ELAPOR2: variants seen among roughly 807,000 people sequenced by gnomAD.
ELAPOR2 encodes the protein endosome-lysosome associated apoptosis and autophagy regulator family member 2.
In ELAPOR2, 89 loss-of-function variants were observed where a neutral mutation model predicts 120.7. The ratio of observed to expected loss-of-function variants is 0.74; its 90% confidence interval spans 0.62 to 0.88. The LOEUF (loss-of-function observed/expected upper bound fraction) is 0.88, where lower values mean the gene tolerates loss of function less well. ELAPOR2 is among the 40% of genes least tolerant of loss of function. The pLI is 0.00. For missense variants in ELAPOR2, 1,134 were observed against 1,251.6 expected, an observed-to-expected ratio of 0.91 and a Z score of 1.42; for synonymous variants, 444 against 444.9, an observed-to-expected ratio of 1.00 and a Z score of 0.03.
chr7:86,934,126 T>C (rs1380629052), intron 8 of ELAPOR2, among the ~76,000 whole-genome samples: 3 of 152,016 alleles, frequency 2.0e-5, no homozygotes, highest in Non-Finnish European at 1.5e-5. Context: ...GTTTTGCATA[T>C]ACTAAGCTTT....
At position 87,029,672 on chromosome 7, in the gene ELAPOR2, G is replaced by A. The variant is rs190505089; in HGVS notation, c.189+29653C>T. ...TGGTTTTCCATAGGTGTTATGGCAG[G>A]TGATTTTCATTCTTGCTTGTTCAAA... On this transcript the variant is annotated intron_variant, in intron 1 of 21. Transcript: ENST00000450689. Among the ~76,000 whole-genome samples the A allele has an allele frequency of 1.7e-4, 26 of 152,234 alleles. No individual in the cohort carries two copies. The East Asian group carries it at 2.3e-3, about 14-fold the overall frequency.
chr7:86,972,603 G>T (rs1181184645), intron 1 of ELAPOR2, among the ~76,000 whole-genome samples: 72 of 140,090 alleles, frequency 5.1e-4, no homozygotes, highest in East Asian at 3.5e-3. Context: ...AAAGTTTTTT[G>T]TTTTTTTTTT....
At chr7:86,979,852 T>C (rs1792404991) in intron 1 of ELAPOR2, among the ~76,000 whole-genome samples, 1 of 152,158 alleles carries the variant, frequency 6.6e-6, no homozygotes, top group Non-Finnish European at 1.5e-5. Flanking sequence ...GAGAATACAG[T>C]TGTGGGTTCT....
chr7:87,026,712 A>G (rs1794255070), intron 1 of ELAPOR2, among the ~76,000 whole-genome samples: 1 of 152,084 alleles, frequency 6.6e-6, no homozygotes. Flanking sequence ...TTGCACTAAG[A>G]ACTTAGAGAT....
chr7:86,932,342 T>G (rs1277295144), intron 8 of ELAPOR2, among the ~76,000 whole-genome samples: 1 of 151,908 alleles, frequency 6.6e-6, no homozygotes, highest in Non-Finnish European at 1.5e-5. Flanking sequence ...TCCTCCCCTC[T>G]CCATTCCTCA....
At chr7:87,035,171 A>C (rs533086204) in intron 1 of ELAPOR2, among the ~76,000 whole-genome samples, 1 of 152,134 alleles carries the variant, frequency 6.6e-6, no homozygotes, top group African/African-American at 2.4e-5. Flanking sequence ...TACAGTAGGT[A>C]TGGATATACC....
intron 1 of ELAPOR2, among the ~76,000 whole-genome samples, chr7:87,007,671 T>C (rs1403104901): frequency 6.6e-6 from 1 of 152,144 alleles, no homozygotes; most frequent in African/African-American, 2.4e-5. Context: ...ATTTGAGGGA[T>C]GGGCAGGAAA....
intron 12 of ELAPOR2, among the ~76,000 whole-genome samples, chr7:86,915,586 T>C (rs1310663759): frequency 6.6e-6 from 1 of 151,448 alleles, no homozygotes; most frequent in African/African-American, 2.4e-5. Flanking sequence ...TACATCTAAT[T>C]TATATAAAAA....
At position 86,914,714 on chromosome 7, in the gene ELAPOR2, G is replaced by A. The variant is rs1456659956; in HGVS notation, c.1731+9C>T. ...TTTAAAATTTTAAAAAAAAGTGCTT[G>A]GAACTTACATCTTGACCCTGATTAG... On this transcript the variant is annotated intron_variant, in intron 13 of 21. Transcript: ENST00000450689. 2 of 1,595,960 alleles carry A rather than the reference G, an allele frequency of 1.3e-6. No individual in the cohort carries two copies. Among genetic ancestry groups the A allele is most frequent in the South Asian group, 1.1e-5 (1 of 87,038 alleles).
At chr7:86,948,030 A>T (rs1557665) in intron 2 of ELAPOR2, 108 bp from the exon 3 acceptor site, 102,956 of 735,792 alleles carry the variant, frequency 0.14, 11,041 homozygotes, top group African/African-American at 0.47. Context: ...TGCCACACTC[A>T]AACGAAAGCC....
At chr7:87,041,264 G>A (rs973833350) in intron 1 of ELAPOR2, among the ~76,000 whole-genome samples, 4 of 151,852 alleles carry the variant, frequency 2.6e-5, no homozygotes, top group Non-Finnish European at 4.4e-5. Context: ...TACAGAGAAC[G>A]CCACAAAGAT....
At chr7:86,923,844 G>T (rs1051021162) in intron 10 of ELAPOR2, among the ~76,000 whole-genome samples, 22 of 152,124 alleles carry the variant, frequency 1.4e-4, no homozygotes, top group Non-Finnish European at 2.2e-4. Flanking sequence ...AAAACTACTT[G>T]TCTCCAGCTT....
intron 21 of ELAPOR2, among the ~76,000 whole-genome samples, chr7:86,884,065 CATATGACT>C (rs1799571760): frequency 6.6e-6 from 1 of 152,106 alleles, no homozygotes; most frequent in Non-Finnish European, 1.5e-5. Flanking sequence ...GTATGGTGGG[CATATGACT>C]ATACCACTGT....
At chr7:87,029,371 G>T (rs1794355535) in intron 1 of ELAPOR2, among the ~76,000 whole-genome samples, 2 of 152,158 alleles carry the variant, frequency 1.3e-5, no homozygotes, top group Non-Finnish European at 1.5e-5. Context: ...ACTGGCATCT[G>T]GCTCCTGGAC....
intron 1 of ELAPOR2, among the ~76,000 whole-genome samples, chr7:87,038,420 G>T (rs1274998521): frequency 2.6e-5 from 4 of 152,108 alleles, no homozygotes; most frequent in East Asian, 3.8e-4. Flanking sequence ...CTAAAAGCTT[G>T]TATACATAAC....
intron 8 of ELAPOR2, 50 bp downstream of exon 8, chr7:86,938,075 GA>G: frequency 7.4e-7 from 1 of 1,345,276 alleles, no homozygotes. Context: ...GCTCAAATTG[GA>G]AAGAAGGTTG....
At chr7:86,890,129 C>T (rs1022399877) in intron 21 of ELAPOR2, among the ~76,000 whole-genome samples, 1 of 151,966 alleles carries the variant, frequency 6.6e-6, no homozygotes, top group African/African-American at 2.4e-5. Flanking sequence ...CAGAAACCAA[C>T]ATGGTATAAA....
In ELAPOR2 at chr7:86,881,030, T is replaced by C. The variant is rs181867065; in HGVS notation, c.3031-500A>G. ...ATATGTTTTAGGAAAATCTTTTAGG[T>C]ATATGCCTATTAAAGATATTAAACA... On this transcript the variant is annotated intron_variant, in intron 21 of 21. Coordinates refer to ENST00000450689, the MANE Select transcript of ELAPOR2 (RefSeq NM_001142749.3). Among the ~76,000 whole-genome samples the C allele has an allele frequency of 4.6e-5, 7 of 152,288 alleles. No individual in the cohort carries two copies. The East Asian group carries it at 1.4e-3, about 29-fold the overall frequency.
chr7:86,897,065 A>C (rs1391327165), intron 19 of ELAPOR2, among the ~76,000 whole-genome samples: 12 of 152,128 alleles, frequency 7.9e-5, no homozygotes, highest in Admixed American at 6.6e-4. Flanking sequence ...TAATGTATTA[A>C]ATATAAAATG....
Sources: gnomAD v4.1 joint callset for allele counts (sites outside exome capture counted in the v4.1 genomes callset) on GRCh38, gnomAD v4.1.1 for gene constraint, MANE v1.5 for transcripts, NCBI Gene and HGNC (gene_info 2026-07-23, HGNC 2026-07-21) for gene names.